Variants in RASGRF2 observed in about 807,000 individuals in gnomAD.
RASGRF2 encodes Ras protein specific guanine nucleotide releasing factor 2, also known as ras-specific guanine nucleotide-releasing factor 2.
RASGRF2 carries 76 observed loss-of-function variants against 151.0 expected under a neutral mutation model. The observed-to-expected ratio is 0.50, with a 90% confidence interval of 0.42 to 0.61. The LOEUF is 0.61. RASGRF2 is among the 20% of genes least tolerant of loss of function. The probability of loss-of-function intolerance (pLI) is 0.00; values close to 1 mark genes in which losing one functional copy is unlikely to be tolerated. For synonymous variants in RASGRF2, 504 were observed against 566.5 expected, an observed-to-expected ratio of 0.89 and a Z score of 1.57; for missense variants, 1,148 against 1,564.6, an observed-to-expected ratio of 0.73 and a Z score of 4.49.
chr5:80,996,551 CCCTCCTCCT>C lies in RASGRF2; in HGVS notation c.288+35531_288+35539del, dbSNP rs1451906962. 6.1e-3 allele frequency among the ~76,000 whole-genome samples: 78 copies of C among 12,860 alleles called. 4 individuals are homozygous for C. Among genetic ancestry groups the C allele is most frequent in the Non-Finnish European group, 9.5e-3 (68 of 7,130 alleles). The allele number at this position is 12,860 out of a possible 152,430, so 8.4% of individuals were successfully genotyped here. ...CTCCTCCTCCCCCTCCTCCTCCTCC[CCCTCCTCCT>C]CCTCCCCCTCCTCCTCCTCCCCCTC... On this transcript the variant is annotated intron_variant, in intron 1 of 26. Transcript: ENST00000265080.
intron 18 of RASGRF2, among the ~76,000 whole-genome samples, chr5:81,191,076 A>G (rs573718692): frequency 6.6e-6 from 1 of 152,312 alleles, no homozygotes; most frequent in African/African-American, 2.4e-5. Flanking sequence ...AACCCTCAGC[A>G]TGGGGAACAA....
chr5:81,041,999 A>G (rs550150616), intron 1 of RASGRF2, among the ~76,000 whole-genome samples: 1 of 152,210 alleles, frequency 6.6e-6, no homozygotes, highest in South Asian at 2.1e-4. Context: ...GCTCCATGTT[A>G]TTGTTTTTAT....
intron 5 of RASGRF2, among the ~76,000 whole-genome samples, chr5:81,076,455 GGGGC>G (rs1751940575): frequency 6.6e-6 from 1 of 152,162 alleles, no homozygotes; most frequent in African/African-American, 2.4e-5. Context: ...ATCCGCTGAT[GGGGC>G]AGATGGGAGG....
intron 17 of RASGRF2, among the ~76,000 whole-genome samples, chr5:81,158,741 T>C (rs1754316865): frequency 6.6e-6 from 1 of 152,168 alleles, no homozygotes; most frequent in African/African-American, 2.4e-5. Context: ...AAAACCACCA[T>C]GATATTCCCA....
At chr5:81,078,707 G>A (rs1752005647) in intron 5 of RASGRF2, among the ~76,000 whole-genome samples, 1 of 152,160 alleles carries the variant, frequency 6.6e-6, no homozygotes, top group African/African-American at 2.4e-5. Flanking sequence ...TTTATATACA[G>A]AATTGTTTCA....
At chr5:81,178,569 C>A (rs1270559339) in intron 17 of RASGRF2, among the ~76,000 whole-genome samples, 1 of 152,010 alleles carries the variant, frequency 6.6e-6, no homozygotes, top group Non-Finnish European at 1.5e-5. Flanking sequence ...AAGTGGTAGG[C>A]CTAGACGAGA....
chr5:81,108,883 A>G lies in RASGRF2; in HGVS notation c.1756-113A>G, dbSNP rs891632065. ...GTGTGTGTGTGTGTGTGTGTGTGTA[A>G]GAGACAGGGAGAGAGAAATTGAATG... On this transcript the variant is annotated intron_variant, in intron 12 of 26. Coordinates refer to ENST00000265080, the MANE Select transcript of RASGRF2 (RefSeq NM_006909.3). The G allele has an allele frequency of 1.1e-5, 13 of 1,225,478 alleles. No individual in the cohort carries two copies. The East Asian group carries it at 3.5e-4, about 33-fold the overall frequency. The allele number at this position is 1,225,478 out of a possible 1,614,324, so 75.9% of individuals were successfully genotyped here.
intron 1 of RASGRF2, among the ~76,000 whole-genome samples, chr5:80,964,055 GAA>G (rs967988665): frequency 1.1e-4 from 16 of 147,456 alleles, no homozygotes; most frequent in African/African-American, 4.0e-4. Flanking sequence ...GCAGAAAAAA[GAA>G]AGTCACTTTC....
At position 81,021,277 on chromosome 5, in the gene RASGRF2, G is replaced by A. The variant is rs188103218; in HGVS notation, c.289-21600G>A. The stretch of plus-strand genomic sequence containing the variant: ...CCTGGCTGCCTTGTTTGGGATGGAA[G>A]GATTTGAGAAAATTGGAGGAGGGTC... On this transcript the variant is annotated intron_variant, in intron 1 of 26. Transcript: ENST00000265080. Among the ~76,000 whole-genome samples, 319 of 152,228 alleles carry A rather than the reference G, an allele frequency of 2.1e-3. 2 individuals carry two copies. Among genetic ancestry groups the A allele is most frequent in the Middle Eastern group, 0.017 (5 of 294 alleles).
At chr5:81,069,295 A>G (rs1465229705) in intron 3 of RASGRF2, among the ~76,000 whole-genome samples, 2 of 152,248 alleles carry the variant, frequency 1.3e-5, no homozygotes, top group African/African-American at 4.8e-5. Context: ...TGTTCACCAT[A>G]TTATTACAGT....
intron 1 of RASGRF2, among the ~76,000 whole-genome samples, chr5:81,003,514 C>T (rs1438595238): frequency 3.9e-5 from 6 of 152,046 alleles, no homozygotes; most frequent in Non-Finnish European, 7.4e-5. Flanking sequence ...TGAGCCACTG[C>T]GCCCGGCATG....
intron 1 of RASGRF2, among the ~76,000 whole-genome samples, chr5:81,023,166 A>G (rs1749891468): frequency 6.6e-6 from 1 of 152,182 alleles, no homozygotes; most frequent in South Asian, 2.1e-4. Flanking sequence ...GTAGAAATGT[A>G]GGGCTGGTGC....
rs149425879 is a variant in RASGRF2, at chr5:80,995,169, T to A, written c.288+34143T>A. Among the ~76,000 whole-genome samples, 639 of 146,644 alleles carry A rather than the reference T, an allele frequency of 4.4e-3. 1 individual carries two copies. Among genetic ancestry groups the A allele is most frequent in the South Asian group, 0.013 (62 of 4,688 alleles). On this transcript the variant is annotated intron_variant, in intron 1 of 26. Coordinates refer to ENST00000265080, the MANE Select transcript of RASGRF2 (RefSeq NM_006909.3). The stretch of plus-strand genomic sequence containing the variant: ...TACTTAGGAGGCTGAGGCAGGAGAA[T>A]GGCGTAAACCTGGGAGGCGGAGTTT...
chr5:81,112,964 G>A (rs1401405842), intron 14 of RASGRF2, 106 bp downstream of exon 14: 3 of 1,415,200 alleles, frequency 2.1e-6, no homozygotes, highest in East Asian at 2.4e-5. Context: ...CTCCTAGGGT[G>A]TACTAGCTTG....
intron 2 of RASGRF2, among the ~76,000 whole-genome samples, 162 bp from the exon 3 acceptor site, chr5:81,067,870 G>A (rs1751655042): frequency 6.6e-6 from 1 of 152,168 alleles, no homozygotes; most frequent in South Asian, 2.1e-4. Flanking sequence ...CATCGTCGAA[G>A]GATACCAAAT....
intron 17 of RASGRF2, among the ~76,000 whole-genome samples, chr5:81,128,864 C>T (rs1044279005): frequency 3.9e-5 from 6 of 152,264 alleles, no homozygotes; most frequent in Non-Finnish European, 7.4e-5. Flanking sequence ...TAGGGCTGGG[C>T]GTGGTGGCTT....
chr5:81,002,694 C>A (rs546086112), intron 1 of RASGRF2, among the ~76,000 whole-genome samples: 1 of 152,054 alleles, frequency 6.6e-6, no homozygotes, highest in African/African-American at 2.4e-5. Context: ...GATGATCTGT[C>A]GTGCCGATCT....
chr5:81,096,017 A>AT (rs1184600941), intron 12 of RASGRF2: 9 of 152,182 alleles, frequency 5.9e-5, no homozygotes, highest in African/African-American at 1.9e-4. Flanking sequence ...AAAGTTAAGC[A>AT]TTTGTCAAAA....
At chr5:80,989,613 T>G (rs572196590) in intron 1 of RASGRF2, among the ~76,000 whole-genome samples, 8 of 152,190 alleles carry the variant, frequency 5.3e-5, no homozygotes, top group African/African-American at 1.9e-4. Context: ...AAAAAATGTT[T>G]TCATAAAGTG....
Sources: gnomAD v4.1 joint callset for allele counts (sites outside exome capture counted in the v4.1 genomes callset) on GRCh38, gnomAD v4.1.1 for gene constraint, MANE v1.5 for transcripts, NCBI Gene and HGNC (gene_info 2026-07-23, HGNC 2026-07-21) for gene names.